The following ZBTB20 variants were observed in gnomAD, a reference collection of about 807,000 sequenced individuals.
ZBTB20 encodes the protein zinc finger and BTB domain-containing protein 20.
A neutral mutation model predicts 56.9 loss-of-function variants in ZBTB20; 9 were observed. The observed-to-expected ratio is 0.16, with a 90% CI of 0.10 to 0.28. ZBTB20 has a LOEUF of 0.28. Among genes scored for constraint, ZBTB20 ranks in the 10% least tolerant of loss-of-function variants. The pLI is 1.00. For missense variants in ZBTB20, 655 were observed against 1,003.0 expected, an observed-to-expected ratio of 0.65 and a Z score of 4.69; for synonymous variants, 417 against 420.7, an observed-to-expected ratio of 0.99 and a Z score of 0.11.
At chr3:114,563,019 G>C (rs2052276398) in intron 6 of ZBTB20, among the ~76,000 whole-genome samples, 1 of 152,110 alleles carries the variant, frequency 6.6e-6, no homozygotes, top group Admixed American at 6.5e-5. Flanking sequence ...GACATGAAGT[G>C]AGCACATGCT....
chr3:114,607,639 A>G (rs985461633), intron 6 of ZBTB20, among the ~76,000 whole-genome samples: 3 of 152,150 alleles, frequency 2.0e-5, no homozygotes, highest in African/African-American at 7.2e-5. Flanking sequence ...AGTATGTATC[A>G]TGTGACAAAC....
At chr3:114,630,222 G>C (rs1456092109) in intron 6 of ZBTB20, among the ~76,000 whole-genome samples, 1 of 152,182 alleles carries the variant, frequency 6.6e-6, no homozygotes, top group Non-Finnish European at 1.5e-5. Flanking sequence ...CCAAGGAAGA[G>C]TCTCCTCCAT....
chr3:114,552,016 C>G (rs994858019), intron 6 of ZBTB20, among the ~76,000 whole-genome samples: 2 of 152,130 alleles, frequency 1.3e-5, no homozygotes, highest in African/African-American at 4.8e-5. Context: ...GTGAGACCAG[C>G]CTGGACAGCA....
chr3:114,356,694 A>AG (rs1321645703), intron 10 of ZBTB20, among the ~76,000 whole-genome samples: 1 of 152,154 alleles, frequency 6.6e-6, no homozygotes, highest in African/African-American at 2.4e-5. Context: ...CTCTGGAGAA[A>AG]GGGGGGATGT....
intron 7 of ZBTB20, among the ~76,000 whole-genome samples, chr3:114,483,797 G>T (rs2041816641): frequency 6.6e-6 from 1 of 152,038 alleles, no homozygotes; most frequent in Non-Finnish European, 1.5e-5. Flanking sequence ...TTATTTGGGG[G>T]AATTATGATG....
chr3:115,115,884 T>A (rs941393564), intron 1 of ZBTB20, among the ~76,000 whole-genome samples: 4 of 152,040 alleles, frequency 2.6e-5, no homozygotes, highest in African/African-American at 9.7e-5. Context: ...AGGGTGACAT[T>A]CTTTTTCAAT....
At position 115,137,343 on chromosome 3, in the gene ZBTB20, G is replaced by A. The variant is rs192904045; in HGVS notation, c.-703+9876C>T. Among the ~76,000 whole-genome samples, 611 of 152,074 alleles carry A rather than the reference G, an allele frequency of 4.0e-3. 3 individuals carry two copies. Among genetic ancestry groups the A allele is most frequent in the African/African-American group, 0.014 (572 of 41,544 alleles). ...GGTATATGAGTATGTATGTATACATGACAGAAGTACTTGGTTGGAGGTCAT... is the reference window on the plus strand; with the variant it reads ...GGTATATGAGTATGTATGTATACATAACAGAAGTACTTGGTTGGAGGTCAT... On this transcript the variant is annotated intron_variant, in intron 1 of 11. Transcript: ENST00000675478.
At chr3:114,564,473 C>T (rs560136784) in intron 6 of ZBTB20, among the ~76,000 whole-genome samples, 2 of 152,080 alleles carry the variant, frequency 1.3e-5, no homozygotes, top group Non-Finnish European at 2.9e-5. Flanking sequence ...GTAAGCTGCA[C>T]AGACATTTTT....
intron 6 of ZBTB20, among the ~76,000 whole-genome samples, chr3:114,505,667 T>G (rs1458783275): frequency 2.0e-5 from 3 of 152,180 alleles, no homozygotes; most frequent in African/African-American, 7.2e-5. Context: ...GTTCTAGAAG[T>G]ATTGCGTTAA....
At chr3:114,585,041 G>C (rs934577576) in intron 6 of ZBTB20, among the ~76,000 whole-genome samples, 1 of 152,072 alleles carries the variant, frequency 6.6e-6, no homozygotes, top group Non-Finnish European at 1.5e-5. Context: ...AATAGGCAAG[G>C]CTTCTCTTAC....
chr3:114,462,933 G>A (rs147991687), intron 7 of ZBTB20, among the ~76,000 whole-genome samples: 2 of 152,274 alleles, frequency 1.3e-5, no homozygotes, highest in Non-Finnish European at 2.9e-5. Flanking sequence ...TTCCTCTGAA[G>A]ACTAATGTCT....
chr3:114,801,017 C>G (rs2071666662), intron 5 of ZBTB20, 84 bp downstream of exon 5: 1 of 151,858 alleles, frequency 6.6e-6, no homozygotes, highest in Non-Finnish European at 1.5e-5. Context: ...TTACTCATGT[C>G]TGGTTACTAT....
At chr3:114,630,693 T>C (rs1443001117) in intron 6 of ZBTB20, among the ~76,000 whole-genome samples, 1 of 152,222 alleles carries the variant, frequency 6.6e-6, no homozygotes, top group Non-Finnish European at 1.5e-5. Context: ...GGAAAATTTC[T>C]TCTTTCTGCA....
intron 2 of ZBTB20, among the ~76,000 whole-genome samples, chr3:115,057,009 T>TTC (rs140740858): frequency 0.15 from 22,502 of 152,018 alleles, 3,225 homozygotes; most frequent in African/African-American, 0.37. Flanking sequence ...CTTGTATAAA[T>TTC]TCTGTTGAGA....
chr3:114,826,136 G>T (rs1187088636), intron 4 of ZBTB20, among the ~76,000 whole-genome samples: 1 of 151,720 alleles, frequency 6.6e-6, no homozygotes, highest in Non-Finnish European at 1.5e-5. Flanking sequence ...ATGAAGGAAA[G>T]GTTGTATACT....
At chr3:114,856,749 A>G (rs1202950393) in intron 4 of ZBTB20, among the ~76,000 whole-genome samples, 1 of 152,202 alleles carries the variant, frequency 6.6e-6, no homozygotes, top group East Asian at 1.9e-4. Flanking sequence ...GCAAATTCAA[A>G]TTCCAATTTA....
chr3:114,537,139 G>A (rs2048560856), intron 6 of ZBTB20, among the ~76,000 whole-genome samples: 1 of 152,042 alleles, frequency 6.6e-6, no homozygotes, highest in South Asian at 2.1e-4. Flanking sequence ...CTGACAAATG[G>A]GATCTAATTA....
chr3:114,433,835 G>C (rs931897077), intron 7 of ZBTB20, among the ~76,000 whole-genome samples: 1 of 152,092 alleles, frequency 6.6e-6, no homozygotes. Flanking sequence ...CCCCTCCATA[G>C]ACATACTGAA....
intron 7 of ZBTB20, among the ~76,000 whole-genome samples, chr3:114,437,519 C>A (rs1245236168): frequency 1.3e-5 from 2 of 152,046 alleles, no homozygotes; most frequent in South Asian, 2.1e-4. Context: ...AGAAATTAAC[C>A]TTTCCTCAGC....
Sources: allele counts gnomAD v4.1 joint callset (sites outside exome capture counted in the v4.1 genomes callset), GRCh38; gene constraint gnomAD v4.1.1; transcripts MANE v1.5; gene names NCBI Gene and HGNC (gene_info 2026-07-23, HGNC 2026-07-21).